ATXN7L1: variants seen among roughly 807,000 people sequenced by gnomAD.
ATXN7L1 encodes the protein ataxin 7 like 1.
Under a neutral mutation model 70.8 loss-of-function variants are expected in ATXN7L1, and 15 were observed. The observed-to-expected ratio is 0.21, with a 90% confidence interval of 0.14 to 0.33. The LOEUF (loss-of-function observed/expected upper bound fraction) is 0.33. Ranked by LOEUF, ATXN7L1 falls within the 10% of genes least tolerant of loss-of-function variation. ATXN7L1 has a pLI of 1.00. For synonymous variants in ATXN7L1, 440 were observed against 445.1 expected, an observed-to-expected ratio of 0.99 and a Z score of 0.14; for missense variants, 975 against 1,097.1, an observed-to-expected ratio of 0.89 and a Z score of 1.57.
chr7:105,624,007 G>T, intron 8 of ATXN7L1, 68 bp downstream of exon 8: 3 of 1,286,120 alleles, frequency 2.3e-6, no homozygotes, highest in Non-Finnish European at 3.0e-6. Flanking sequence ...CATGCCTCTG[G>T]TATGATCACC....
At chr7:105,758,359 CA>C (rs1203698188) in intron 3 of ATXN7L1, among the ~76,000 whole-genome samples, 1 of 152,230 alleles carries the variant, frequency 6.6e-6, no homozygotes, top group South Asian at 2.1e-4. Flanking sequence ...TGATTATACC[CA>C]TTTTCCACAC....
chr7:105,630,601 A>G (rs1371817093), intron 7 of ATXN7L1, among the ~76,000 whole-genome samples: 1 of 152,154 alleles, frequency 6.6e-6, no homozygotes, highest in Non-Finnish European at 1.5e-5. Flanking sequence ...AGGCACCTAT[A>G]GTCCCAGCTA....
intron 3 of ATXN7L1, among the ~76,000 whole-genome samples, chr7:105,696,932 G>A (rs750773985): frequency 3.9e-5 from 6 of 152,186 alleles, no homozygotes; most frequent in African/African-American, 4.8e-5. Context: ...GACATCACAC[G>A]TTGGTAGGAT....
chr7:105,818,402 C>T (rs1366713867), intron 2 of ATXN7L1, among the ~76,000 whole-genome samples: 1 of 152,216 alleles, frequency 6.6e-6, no homozygotes, highest in Non-Finnish European at 1.5e-5. Context: ...GGGATCCTCC[C>T]ACCTCGGCCT....
At chr7:105,788,190 G>T (rs1359669136) in intron 3 of ATXN7L1, 3 of 170,640 alleles carry the variant, frequency 1.8e-5, no homozygotes, top group African/African-American at 7.1e-5. Context: ...GCCACACACT[G>T]GGCTGTGCTT....
In ATXN7L1 at chr7:105,614,945, G is replaced by A. The variant is rs964228326; in HGVS notation, c.1518-129C>T. The A allele has an allele frequency of 3.4e-5, 38 of 1,119,852 alleles. No individual in the cohort carries two copies. The highest frequency in any genetic ancestry group is 3.1e-4 in the Middle Eastern group (1 of 3,256). 69.4% of individuals were successfully genotyped at this position (1,119,852 alleles called of 1,614,324 possible). A position where few individuals can be genotyped will look rare whatever the true frequency, so the allele number is the denominator to read the frequency against. On this transcript the variant is annotated intron_variant, in intron 9 of 11. Transcript: ENST00000419735. This position sits in a 1 kb window ranked among gnomAD's most constrained non-coding sequence, Gnocchi z 4.3. ...GCAGAACCAGACTATGGAGAATGGAGCCTTGAAGGATGGGAGAATCTGAAG... is the reference window on the plus strand; with the variant it reads ...GCAGAACCAGACTATGGAGAATGGAACCTTGAAGGATGGGAGAATCTGAAG...
rs531381296 is a variant in ATXN7L1 at position 105,842,408 on chromosome 7, A to G, written c.250+33404T>C. Among the ~76,000 whole-genome samples the G allele has an allele frequency of 8.4e-4, 127 of 151,950 alleles. 1 individual carries two copies. Among genetic ancestry groups the G allele is most frequent in the Admixed American group, 1.6e-3 (25 of 15,254 alleles). Reference sequence around the variant, plus strand: ...CTCAGCCTCTGGCAACCACTAATCTATTTCCTCTCTACGGATTGCCCTATT... The same window carrying G: ...CTCAGCCTCTGGCAACCACTAATCTGTTTCCTCTCTACGGATTGCCCTATT... On this transcript the variant is annotated intron_variant, in intron 2 of 11. Coordinates refer to ENST00000419735, the MANE Select transcript of ATXN7L1 (RefSeq NM_020725.2).
chr7:105,692,843 T>TCCTCC (rs1409231552), intron 3 of ATXN7L1, among the ~76,000 whole-genome samples: 1 of 151,714 alleles, frequency 6.6e-6, no homozygotes, highest in Non-Finnish European at 1.5e-5. Flanking sequence ...GCTCAAGCGA[T>TCCTCC]CCTCCCGATT....
intron 9 of ATXN7L1, among the ~76,000 whole-genome samples, chr7:105,619,528 ATATTTTTTTTTTTTTTTTTT>A (rs1401928547): frequency 1.2e-3 from 18 of 14,760 alleles, no homozygotes; most frequent in Admixed American, 2.2e-3. Flanking sequence ...ATATATATAT[ATATTTTTTTTTTTTTTTTTT>A]TTTTTTTTTT....
rs1156310143 is a variant in ATXN7L1, at chr7:105,607,153, A to T, written c.*699T>A. 6.6e-6 allele frequency: 1 copy of T among 152,238 alleles called. No homozygotes were observed. The highest frequency in any genetic ancestry group is 1.5e-5 in the Non-Finnish European group (1 of 68,224). The allele number at this position is 152,238 out of a possible 1,614,324, so 9.4% of individuals were successfully genotyped here. A position where few individuals can be genotyped will look rare whatever the true frequency, so the allele number is the denominator to read the frequency against. On this transcript the variant is annotated 3_prime_UTR_variant, in exon 12 of 12. Transcript: ENST00000419735. ...GTCCCTGACTGGTTTATCCTTTCTG[A>T]GCTGCACAGCTGGACAGTGGTATTA...
At chr7:105,697,195 G>C (rs961103920) in intron 3 of ATXN7L1, among the ~76,000 whole-genome samples, 1 of 152,122 alleles carries the variant, frequency 6.6e-6, no homozygotes, top group Non-Finnish European at 1.5e-5. Context: ...GAGATCAACC[G>C]GTCTGACCAA....
chr7:105,676,566 A>ATAGTGG (rs1042786935), intron 3 of ATXN7L1, among the ~76,000 whole-genome samples: 14 of 152,282 alleles, frequency 9.2e-5, no homozygotes, highest in African/African-American at 3.1e-4. Flanking sequence ...ATGGCTGGGC[A>ATAGTGG]TAGTGGCTCA....
intron 3 of ATXN7L1, among the ~76,000 whole-genome samples, chr7:105,774,329 G>A (rs1324041118): frequency 6.6e-6 from 1 of 151,490 alleles, no homozygotes; most frequent in Non-Finnish European, 1.5e-5. Flanking sequence ...CACAGGATTA[G>A]GGTGTCAGTC....
At chr7:105,737,729 A>G (rs779767345) in intron 3 of ATXN7L1, among the ~76,000 whole-genome samples, 4 of 152,212 alleles carry the variant, frequency 2.6e-5, no homozygotes, top group Admixed American at 6.5e-5. Flanking sequence ...TTCTCATTAA[A>G]CAAAACAAAA....
chr7:105,692,411 T>TCCCTCCC (rs1791052798), intron 3 of ATXN7L1, among the ~76,000 whole-genome samples: 1 of 119,416 alleles, frequency 8.4e-6, no homozygotes, highest in Admixed American at 9.4e-5. Flanking sequence ...CCTTCCTTCC[T>TCCCTCCC]TCCTTCCTTC....
At chr7:105,612,667 G>A (rs1793264520) in intron 10 of ATXN7L1, among the ~76,000 whole-genome samples, 1 of 152,260 alleles carries the variant, frequency 6.6e-6, no homozygotes, top group South Asian at 2.1e-4. Context: ...CAGCTCGAGC[G>A]AGAGGACCTG....
At chr7:105,709,083 C>T (rs1357206655) in intron 3 of ATXN7L1, among the ~76,000 whole-genome samples, 1 of 110,942 alleles carries the variant, frequency 9.0e-6, no homozygotes, top group Non-Finnish European at 1.7e-5. Context: ...CCTGTAATCC[C>T]AGCACTTTGG....
At position 105,605,483 on chromosome 7, in the gene ATXN7L1, G is replaced by GGGT. The variant is rs1554376683; in HGVS notation, c.*2368_*2369insACC. 8.3e-5 allele frequency: 8 copies of GGGT among 96,118 alleles called. No homozygotes were observed. Among genetic ancestry groups the GGGT allele is most frequent in the Non-Finnish European group, 1.5e-4 (7 of 45,682 alleles). The allele number at this position is 96,118 out of a possible 1,614,324, so 6.0% of individuals were successfully genotyped here. A position where few individuals can be genotyped will look rare whatever the true frequency, so the allele number is the denominator to read the frequency against. ...GCAGCATTCGATGAGGGTGGGGGGG[G>GGGT]GGGTGGGGGCTCTTTATTCCAGCTT... On this transcript the variant is annotated 3_prime_UTR_variant, in exon 12 of 12. Transcript: ENST00000419735.
chr7:105,741,053 C>T (rs1016020591), intron 3 of ATXN7L1, among the ~76,000 whole-genome samples: 9 of 152,082 alleles, frequency 5.9e-5, no homozygotes, highest in Non-Finnish European at 1.0e-4. Flanking sequence ...CGTGAGCCAC[C>T]GCACCCGGCG....
Sources: gnomAD v4.1 joint callset for allele counts (sites outside exome capture counted in the v4.1 genomes callset) on GRCh38, gnomAD v4.1.1 for gene constraint, Gnocchi (gnomAD v3.1) non-coding constraint, MANE v1.5 for transcripts, NCBI Gene and HGNC (gene_info 2026-07-23, HGNC 2026-07-21) for gene names.